SH3GL1: variants seen among roughly 807,000 people sequenced by gnomAD.
SH3GL1 encodes the protein endophilin-A2.
In SH3GL1, 21 loss-of-function variants were observed where a neutral mutation model predicts 48.8. The observed-to-expected ratio is 0.43, with a 90% CI of 0.30 to 0.62. The LOEUF is 0.62. SH3GL1 is among the 20% of genes least tolerant of loss of function. SH3GL1 has a pLI of 0.11. For missense variants in SH3GL1, 454 were observed against 503.0 expected, an observed-to-expected ratio of 0.90 and a Z score of 0.93; for synonymous variants, 282 against 217.5, an observed-to-expected ratio of 1.30 and a Z score of -2.61.
intron 1 of SH3GL1, among the ~76,000 whole-genome samples, chr19:4,384,492 C>CT (rs1568418556): frequency 6.6e-6 from 1 of 152,116 alleles, no homozygotes; most frequent in South Asian, 2.1e-4. Context: ...GGCTATTTTT[C>CT]TTTTTTTGAA....
rs1295532800 is a variant in SH3GL1 at position 4,367,641 on chromosome 19, T to C, written c.46-647A>G. ...CACCTTGGTCCTCACGGCTCTCAGC[T>C]ACGGTGAAAGCGATGACAATGACAG... On this transcript the variant is annotated intron_variant, in intron 1 of 9. Coordinates refer to ENST00000269886, the MANE Select transcript of SH3GL1 (RefSeq NM_003025.4). The surrounding 1 kb of genome is among the most constrained non-coding windows in gnomAD (Gnocchi z 4.2). Among the ~76,000 whole-genome samples the C allele has an allele frequency of 6.6e-6, 1 of 152,192 alleles. No individual in the cohort carries two copies. The highest frequency in any genetic ancestry group is 1.5e-5 in the Non-Finnish European group (1 of 68,028).
intron 1 of SH3GL1, among the ~76,000 whole-genome samples, chr19:4,371,867 T>C (rs1972908578): frequency 6.6e-6 from 1 of 152,232 alleles, no homozygotes; most frequent in Non-Finnish European, 1.5e-5. Context: ...CTCAGCGGAA[T>C]CTGTGAGCGC....
intron 1 of SH3GL1, among the ~76,000 whole-genome samples, chr19:4,393,436 G>A (rs1001926489): frequency 2.6e-5 from 4 of 152,042 alleles, no homozygotes; most frequent in African/African-American, 9.7e-5. Flanking sequence ...GAGTGGTGGG[G>A]TTTAAGGAGC....
At chr19:4,398,887 G>A (rs1445961509) in intron 1 of SH3GL1, among the ~76,000 whole-genome samples, 1 of 152,146 alleles carries the variant, frequency 6.6e-6, no homozygotes, top group Admixed American at 6.5e-5. Context: ...TCCCACTGGT[G>A]AGCAAAGATA....
In SH3GL1 at chr19:4,360,747, C is replaced by G; in HGVS notation, c.*853G>C. ...GGGCTGGGACATGCGCTCACTGGAACCTTTGTGCTTGGCCCTCGGCAGCGC... is the reference window on the plus strand; with the variant it reads ...GGGCTGGGACATGCGCTCACTGGAAGCTTTGTGCTTGGCCCTCGGCAGCGC... On this transcript the variant is annotated 3_prime_UTR_variant, in exon 10 of 10. Coordinates refer to ENST00000269886, the MANE Select transcript of SH3GL1 (RefSeq NM_003025.4). The G allele has an allele frequency of 4.3e-6, 1 of 233,530 alleles. No individual in the cohort carries two copies. The highest frequency in any genetic ancestry group is 2.2e-5 in the African/African-American group (1 of 45,456). The allele number at this position is 233,530 out of a possible 1,614,324, so 14.5% of individuals were successfully genotyped here.
At chr19:4,385,588 CT>C (rs1973221017) in intron 1 of SH3GL1, among the ~76,000 whole-genome samples, 1 of 152,200 alleles carries the variant, frequency 6.6e-6, no homozygotes. Context: ...CCCTCCCTGG[CT>C]GTGCAGCTGC....
chr19:4,399,674 G>A (rs1018520167), intron 1 of SH3GL1, among the ~76,000 whole-genome samples: 1 of 152,172 alleles, frequency 6.6e-6, no homozygotes, highest in African/African-American at 2.4e-5. Context: ...GCCGACGGAG[G>A]GGGAGAAATC....
At chr19:4,385,387 C>T (rs1172658635) in intron 1 of SH3GL1, among the ~76,000 whole-genome samples, 1 of 152,158 alleles carries the variant, frequency 6.6e-6, no homozygotes, top group East Asian at 1.9e-4. Flanking sequence ...TGCCGACCAG[C>T]GTGTGGCCCA....
At chr19:4,382,458 C>T (rs1973155045) in intron 1 of SH3GL1, among the ~76,000 whole-genome samples, 1 of 151,886 alleles carries the variant, frequency 6.6e-6, no homozygotes, top group African/African-American at 2.4e-5. Context: ...GGGGTTTCAC[C>T]GTGTTAGCCA....
At chr19:4,364,326 C>T (rs751408742) in intron 4 of SH3GL1, 105 bp from the exon 5 acceptor site, 10 of 1,447,316 alleles carry the variant, frequency 6.9e-6, no homozygotes, top group Non-Finnish European at 9.6e-6. Context: ...GGCTGGAACG[C>T]AGTGGCGCTG....
chr19:4,363,962 ACTGGGGATC>A, intron 5 of SH3GL1, 84 bp from the exon 6 acceptor site: 1 of 1,605,030 alleles, frequency 6.2e-7, no homozygotes, highest in Non-Finnish European at 8.5e-7. Context: ...TCCCTGCACC[ACTGGGGATC>A]CTGCCTGCCT....
Position 4,361,412 on chromosome 19 carries a change from A to G in SH3GL1, c.*188T>C. On this transcript the variant is annotated 3_prime_UTR_variant, in exon 10 of 10. Transcript: ENST00000269886. ...AGCGCTAGTGTAAACAGGCATCCCC[A>G]CCCACCCAGATAAGCCCCCCCACCC... is the stretch of plus-strand genomic sequence containing the variant. 2 of 592,886 alleles carry G rather than the reference A, an allele frequency of 3.4e-6. No homozygotes were observed. Among genetic ancestry groups the G allele is most frequent in the Non-Finnish European group, 3.0e-6 (1 of 333,462 alleles). The allele number at this position is 592,886 out of a possible 1,614,324, so 36.7% of individuals were successfully genotyped here.
chr19:4,362,860 G>A, intron 7 of SH3GL1, 124 bp from the exon 8 acceptor site: 2 of 1,457,202 alleles, frequency 1.4e-6, no homozygotes, highest in Non-Finnish European at 1.9e-6. Context: ...CAGTGGGGTT[G>A]TGACACATGG....
At chr19:4,397,501 C>T (rs1973446635) in intron 1 of SH3GL1, among the ~76,000 whole-genome samples, 1 of 152,166 alleles carries the variant, frequency 6.6e-6, no homozygotes, top group African/African-American at 2.4e-5. Flanking sequence ...GGGCACAGGC[C>T]CTGATCGCTG....
Position 4,383,594 on chromosome 19 carries a change from G to A in SH3GL1, c.46-16600C>T, listed in dbSNP as rs77956473. ...TCACCCACACTGAACTCATGGACAC[G>A]GAGCTATCACTCCTGCCTGAGAGAA... On this transcript the variant is annotated intron_variant, in intron 1 of 9. Coordinates refer to ENST00000269886, the MANE Select transcript of SH3GL1 (RefSeq NM_003025.4). Among the ~76,000 whole-genome samples, 939 of 152,124 alleles carry A rather than the reference G, an allele frequency of 6.2e-3. 7 individuals are homozygous for A. The highest frequency in any genetic ancestry group is 0.012 in the South Asian group (56 of 4,814).
intron 1 of SH3GL1, among the ~76,000 whole-genome samples, chr19:4,391,107 C>T (rs574139692): frequency 2.6e-5 from 4 of 152,244 alleles, no homozygotes; most frequent in African/African-American, 9.6e-5. Context: ...GCAGGTTTCT[C>T]CTTTGAGGAA....
chr19:4,371,874 G>C, intron 1 of SH3GL1, among the ~76,000 whole-genome samples: 1 of 152,252 alleles, frequency 6.6e-6, no homozygotes, highest in East Asian at 1.9e-4. Flanking sequence ...GAATCTGTGA[G>C]CGCACAGACC....
chr19:4,362,888 G>A, intron 7 of SH3GL1, 152 bp from the exon 8 acceptor site: 1 of 1,287,474 alleles, frequency 7.8e-7, no homozygotes, highest in Non-Finnish European at 1.1e-6. Context: ...GACACAGCTA[G>A]ACTGGGATGT....
At position 4,377,013 on chromosome 19, in the gene SH3GL1, C is replaced by G. The variant is rs942029365; in HGVS notation, c.46-10019G>C. Among the ~76,000 whole-genome samples the G allele has an allele frequency of 1.8e-4, 27 of 152,378 alleles. No homozygotes were observed. In the East Asian group the frequency reaches 2.9e-3, roughly 16 times the overall value. On this transcript the variant is annotated intron_variant, in intron 1 of 9. Coordinates refer to ENST00000269886, the MANE Select transcript of SH3GL1 (RefSeq NM_003025.4). ...CAGATGATACTCCTCCCATCACCTT[C>G]CCTTTTGTGGCTCGTGGACGGTTCA...
Sources: allele counts gnomAD v4.1 joint callset (sites outside exome capture counted in the v4.1 genomes callset), GRCh38; gene constraint gnomAD v4.1.1; non-coding constraint Gnocchi (gnomAD v3.1); transcripts MANE v1.5; gene names NCBI Gene and HGNC (gene_info 2026-07-23, HGNC 2026-07-21).